The following FHOD3 variants were observed in gnomAD, a reference collection of about 807,000 sequenced individuals.
FHOD3 encodes formin homology 2 domain containing 3.
FHOD3 carries 90 observed loss-of-function variants against 173.0 expected under a neutral mutation model. That is an observed-to-expected ratio of 0.52 (90% CI 0.44 to 0.62). The LOEUF is 0.62. FHOD3 is among the 20% of genes least tolerant of loss of function. FHOD3 has a pLI of 0.00. For synonymous variants in FHOD3, 828 were observed against 823.0 expected, an observed-to-expected ratio of 1.01 and a Z score of -0.10; for missense variants, 1,945 against 2,034.7, an observed-to-expected ratio of 0.96 and a Z score of 0.85.
chr18:36,369,588 C>T (rs987953147), intron 2 of FHOD3, among the ~76,000 whole-genome samples: 2 of 151,226 alleles, frequency 1.3e-5, no homozygotes, highest in South Asian at 4.2e-4. Flanking sequence ...GTCAAGAAGA[C>T]TTACGTATAT....
At chr18:36,526,527 G>A (rs548517558) in intron 5 of FHOD3, among the ~76,000 whole-genome samples, 1 of 152,098 alleles carries the variant, frequency 6.6e-6, no homozygotes, top group Admixed American at 6.5e-5. Flanking sequence ...CTGCGTTCCA[G>A]CGATTCTCCT....
At chr18:36,398,803 TTGTA>T (rs1314855769) in intron 3 of FHOD3, among the ~76,000 whole-genome samples, 2 of 152,124 alleles carry the variant, frequency 1.3e-5, no homozygotes, top group African/African-American at 2.4e-5. Context: ...TGCAGGTACA[TTGTA>T]TGTCTGTGAC....
intron 3 of FHOD3, among the ~76,000 whole-genome samples, chr18:36,483,700 T>A (rs1252576350): frequency 2.0e-5 from 3 of 152,248 alleles, no homozygotes; most frequent in Non-Finnish European, 4.4e-5. Flanking sequence ...GGTGGATGTA[T>A]GTGCCTCTGC....
At chr18:36,461,182 C>T (rs1568301749) in intron 3 of FHOD3, among the ~76,000 whole-genome samples, 2 of 152,144 alleles carry the variant, frequency 1.3e-5, no homozygotes, top group Non-Finnish European at 2.9e-5. Context: ...AGCCTGCTCA[C>T]TCCTCTTCCA....
At chr18:36,697,758 T>C (rs2039369204) in intron 17 of FHOD3, among the ~76,000 whole-genome samples, 1 of 152,228 alleles carries the variant, frequency 6.6e-6, no homozygotes. Flanking sequence ...GCGATTCCTG[T>C]AGCCTCCTGA....
At chr18:36,646,979 G>GT (rs1166966623) in intron 10 of FHOD3, among the ~76,000 whole-genome samples, 2 of 152,250 alleles carry the variant, frequency 1.3e-5, no homozygotes, top group Non-Finnish European at 2.9e-5. Flanking sequence ...GCTCATGCCT[G>GT]TAATTCCAGC....
intron 20 of FHOD3, among the ~76,000 whole-genome samples, chr18:36,738,569 T>G (rs2041753820): frequency 6.6e-6 from 1 of 152,252 alleles, no homozygotes; most frequent in African/African-American, 2.4e-5. Context: ...TTCATAGTAT[T>G]CCATTTTACT....
chr18:36,683,031 A>T (rs1600225572), intron 15 of FHOD3, among the ~76,000 whole-genome samples: 2 of 152,346 alleles, frequency 1.3e-5, no homozygotes, highest in East Asian at 3.9e-4. Context: ...TTTTTCTAAG[A>T]CTGGGTGAAT....
intron 19 of FHOD3, among the ~76,000 whole-genome samples, chr18:36,723,303 TCTGA>T (rs775037709): frequency 7.2e-5 from 11 of 152,242 alleles, no homozygotes; most frequent in Non-Finnish European, 1.2e-4. Flanking sequence ...AAATTTTATT[TCTGA>T]CTAAGGATTC....
intron 17 of FHOD3, among the ~76,000 whole-genome samples, chr18:36,695,566 C>A (rs898246624): frequency 2.6e-5 from 4 of 152,078 alleles, no homozygotes; most frequent in Non-Finnish European, 4.4e-5. Flanking sequence ...GTACTGGCTC[C>A]TGTGAGATCT....
chr18:36,331,284 A>C (rs1434306632), intron 1 of FHOD3, among the ~76,000 whole-genome samples: 3 of 152,222 alleles, frequency 2.0e-5, no homozygotes, highest in African/African-American at 7.2e-5. Flanking sequence ...CAGCCTTTGT[A>C]TATACTTAAT....
intron 8 of FHOD3, among the ~76,000 whole-genome samples, chr18:36,604,098 G>A (rs1000394327): frequency 6.6e-6 from 1 of 152,110 alleles, no homozygotes; most frequent in Non-Finnish European, 1.5e-5. Context: ...AAACAAGGGG[G>A]CCCATGCTGA....
intron 3 of FHOD3, among the ~76,000 whole-genome samples, chr18:36,383,404 G>T (rs2047887060): frequency 6.6e-6 from 1 of 152,136 alleles, no homozygotes; most frequent in African/African-American, 2.4e-5. Context: ...CTATGAGAAA[G>T]GTGCTTAACA....
chr18:36,692,955 G>A (rs1600267050), intron 16 of FHOD3: 1 of 539,914 alleles, frequency 1.9e-6, no homozygotes, highest in African/African-American at 1.9e-5. Flanking sequence ...TTCTGCAGCA[G>A]TGATCCAGTA....
chr18:36,320,200 T>C (rs2044324284), intron 1 of FHOD3, among the ~76,000 whole-genome samples: 1 of 152,104 alleles, frequency 6.6e-6, no homozygotes, highest in Non-Finnish European at 1.5e-5. Context: ...CAGGAGCTGG[T>C]TTTTGGAAAA....
intron 1 of FHOD3, among the ~76,000 whole-genome samples, chr18:36,349,630 C>A (rs1395582805): frequency 6.6e-6 from 1 of 152,186 alleles, no homozygotes; most frequent in African/African-American, 2.4e-5. Context: ...CGCTGTGGAC[C>A]TGCTGCCAAA....
chr18:36,730,518 C>A lies in FHOD3; in HGVS notation c.3418-128C>A, dbSNP rs1004592487. The A allele has an allele frequency of 5.8e-6, 5 of 861,054 alleles. No individual in the cohort carries two copies. In the African/African-American group the frequency reaches 6.8e-5, roughly 12 times the overall value. The allele number at this position is 861,054 out of a possible 1,614,324, so 53.3% of individuals were successfully genotyped here. ...CTTTCTGTGCTGAACAGTAGCCAGTCCTTCTCTGAGCTGAACTGGGGCCAT... is the reference window on the plus strand; with the variant it reads ...CTTTCTGTGCTGAACAGTAGCCAGTACTTCTCTGAGCTGAACTGGGGCCAT... On this transcript the variant is annotated intron_variant, in intron 19 of 28. Transcript: ENST00000590592.
In FHOD3 at chr18:36,416,458, G is replaced by A. The variant is rs186104044; in HGVS notation, c.337+43714G>A. Among the ~76,000 whole-genome samples, 52 of 152,354 alleles carry A rather than the reference G, an allele frequency of 3.4e-4. No individual in the cohort carries two copies. The East Asian group carries it at 0.01, about 29-fold the overall frequency. ...GCATCTCGATTCACATCCTGGAGCT[G>A]TGGCCTGTGCCTCAGACACAGTTGC... On this transcript the variant is annotated intron_variant, in intron 3 of 28. Coordinates refer to ENST00000590592, the MANE Select transcript of FHOD3 (RefSeq NM_001281740.3).
At chr18:36,466,656 C>T (rs1475656948) in intron 3 of FHOD3, among the ~76,000 whole-genome samples, 3 of 152,124 alleles carry the variant, frequency 2.0e-5, no homozygotes, top group Admixed American at 2.0e-4. Flanking sequence ...AGAATGTTAG[C>T]TGCACCTCAT....
Sources: gnomAD v4.1 joint callset for allele counts (sites outside exome capture counted in the v4.1 genomes callset) on GRCh38, gnomAD v4.1.1 for gene constraint, MANE v1.5 for transcripts, NCBI Gene and HGNC (gene_info 2026-07-23, HGNC 2026-07-21) for gene names.